Variants in TMEM178B observed in about 807,000 individuals in gnomAD.
TMEM178B encodes transmembrane protein 178B.
TMEM178B carries 5 observed loss-of-function variants against 31.0 expected under a neutral mutation model. The ratio of observed to expected loss-of-function variants is 0.16; its 90% CI spans 0.08 to 0.34. TMEM178B has a LOEUF of 0.34. Among genes scored for constraint, TMEM178B ranks in the 10% least tolerant of loss-of-function variants. The pLI, the probability that TMEM178B is intolerant of heterozygous loss-of-function variation, is 1.00. For missense variants in TMEM178B, 275 were observed against 400.3 expected (o/e 0.69, Z 2.67); for synonymous variants, 164 against 164.0 (o/e 1.00, Z 0.00).
At chr7:141,215,434 T>C (rs1053321227) in intron 2 of TMEM178B, among the ~76,000 whole-genome samples, 2 of 151,956 alleles carry the variant, frequency 1.3e-5, no homozygotes, top group African/African-American at 2.4e-5. Context: ...CATGCGATTC[T>C]CCTGCCTCAG....
chr7:141,453,088 T>A (rs1423640711), intron 3 of TMEM178B, among the ~76,000 whole-genome samples: 2 of 152,240 alleles, frequency 1.3e-5, no homozygotes, highest in African/African-American at 4.8e-5. Flanking sequence ...AGAAACCTTT[T>A]TGAATGATCT....
chr7:141,296,346 G>GT (rs1334500234), intron 2 of TMEM178B, among the ~76,000 whole-genome samples: 1 of 152,198 alleles, frequency 6.6e-6, no homozygotes, highest in African/African-American at 2.4e-5. Context: ...GGGATTACAG[G>GT]TGTGAGCCAC....
At chr7:141,095,210 A>G (rs949926185) in intron 1 of TMEM178B, among the ~76,000 whole-genome samples, 16 of 152,176 alleles carry the variant, frequency 1.1e-4, no homozygotes, top group Admixed American at 7.9e-4. Flanking sequence ...GGAGACAAGG[A>G]ATAACAGGTG....
intron 2 of TMEM178B, among the ~76,000 whole-genome samples, chr7:141,404,689 C>T (rs1198123606): frequency 6.6e-6 from 1 of 152,200 alleles, no homozygotes; most frequent in Non-Finnish European, 1.5e-5. Context: ...GACCCTAGTT[C>T]CAAATAAGGT....
intron 2 of TMEM178B, among the ~76,000 whole-genome samples, chr7:141,353,663 C>T (rs1371434907): frequency 6.6e-6 from 1 of 152,200 alleles, no homozygotes; most frequent in African/African-American, 2.4e-5. Flanking sequence ...AGCCCCATTG[C>T]TCCTTTCCTA....
At chr7:141,448,770 G>T (rs1801807612) in intron 3 of TMEM178B, among the ~76,000 whole-genome samples, 1 of 152,130 alleles carries the variant, frequency 6.6e-6, no homozygotes, top group African/African-American at 2.4e-5. Flanking sequence ...AATAAATGCA[G>T]TCCAGGCTCA....
intron 1 of TMEM178B, among the ~76,000 whole-genome samples, chr7:141,081,164 C>T (rs1794676594): frequency 6.6e-6 from 1 of 152,008 alleles, no homozygotes; most frequent in Admixed American, 6.6e-5. Flanking sequence ...CACCATTGCC[C>T]CTGAAGACTT....
At chr7:141,188,881 G>T (rs1477863170) in intron 1 of TMEM178B, among the ~76,000 whole-genome samples, 1 of 152,220 alleles carries the variant, frequency 6.6e-6, no homozygotes, top group Non-Finnish European at 1.5e-5. Context: ...ACCCTGAAAA[G>T]AGCCAGCGTT....
intron 2 of TMEM178B, among the ~76,000 whole-genome samples, chr7:141,305,325 A>G (rs1487586254): frequency 1.3e-5 from 2 of 152,222 alleles, no homozygotes; most frequent in African/African-American, 4.8e-5. Flanking sequence ...TATAAGTGCT[A>G]TGTATATATT....
chr7:141,186,148 G>T (rs1427901154), intron 1 of TMEM178B, among the ~76,000 whole-genome samples: 1 of 152,166 alleles, frequency 6.6e-6, no homozygotes, highest in Non-Finnish European at 1.5e-5. Context: ...TTATCAACTT[G>T]TAGCAGGTTC....
chr7:141,435,421 A>G (rs1291689906), intron 2 of TMEM178B, among the ~76,000 whole-genome samples: 2 of 152,106 alleles, frequency 1.3e-5, no homozygotes, highest in Non-Finnish European at 2.9e-5. Flanking sequence ...AGAGTATCCC[A>G]TTTCCAGGAG....
intron 2 of TMEM178B, among the ~76,000 whole-genome samples, chr7:141,311,437 G>T (rs890875861): frequency 2.6e-5 from 4 of 151,994 alleles, no homozygotes; most frequent in Middle Eastern, 6.8e-3. Context: ...AATATGCTTT[G>T]CTCTTTTTTC....
intron 3 of TMEM178B, among the ~76,000 whole-genome samples, chr7:141,469,445 C>G (rs187089206): frequency 3.5e-4 from 54 of 152,242 alleles, no homozygotes; most frequent in Middle Eastern, 3.4e-3. Context: ...CTTAAAGAAA[C>G]AAGTCTCAAT....
chr7:141,106,113 AG>A (rs1795142067), intron 1 of TMEM178B, among the ~76,000 whole-genome samples: 2 of 151,648 alleles, frequency 1.3e-5, no homozygotes, highest in African/African-American at 4.8e-5. Context: ...AAAAGAAAAA[AG>A]GGTCATTTTG....
At chr7:141,196,482 A>G (rs1264587606) in intron 1 of TMEM178B, among the ~76,000 whole-genome samples, 1 of 152,160 alleles carries the variant, frequency 6.6e-6, no homozygotes, top group Non-Finnish European at 1.5e-5. Context: ...CCAAGTCTTG[A>G]TATAATCTGT....
intron 1 of TMEM178B, among the ~76,000 whole-genome samples, chr7:141,145,849 C>A (rs985967062): frequency 6.6e-6 from 1 of 152,188 alleles, no homozygotes; most frequent in South Asian, 2.1e-4. Context: ...AGGGCTCCTG[C>A]CCAGTTACTA....
At chr7:141,229,100 G>GGTGTGTGTGT (rs3035765) in intron 2 of TMEM178B, among the ~76,000 whole-genome samples, 20,837 of 134,410 alleles carry the variant, frequency 0.16, 2,049 homozygotes, top group Non-Finnish European at 0.23. Flanking sequence ...GTGTGTGTGT[G>GGTGTGTGTGT]GTGTGTGTGT....
Position 141,110,331 on chromosome 7 carries a change from G to A in TMEM178B, c.382+35639G>A, listed in dbSNP as rs991320880. On this transcript the variant is annotated intron_variant, in intron 1 of 3. Coordinates refer to ENST00000565468, the MANE Select transcript of TMEM178B (RefSeq NM_001195278.2). ...ATAACTTTTTTAGTAAATAAGTAGC[G>A]GAAGTCCAATAATACAATTTGGAAC... Among the ~76,000 whole-genome samples, 27 of 152,232 alleles carry A rather than the reference G, an allele frequency of 1.8e-4. No individual in the cohort carries two copies. In the South Asian group the frequency reaches 2.5e-3, roughly 14 times the overall value.
chr7:141,079,043 T>C (rs1259190314), intron 1 of TMEM178B, among the ~76,000 whole-genome samples: 1 of 152,138 alleles, frequency 6.6e-6, no homozygotes, highest in East Asian at 1.9e-4. Flanking sequence ...TCCCAGCACT[T>C]TGGGAGGCCG....
Sources: allele counts gnomAD v4.1 joint callset (sites outside exome capture counted in the v4.1 genomes callset), GRCh38; gene constraint gnomAD v4.1.1; transcripts MANE v1.5; gene names NCBI Gene and HGNC (gene_info 2026-07-23, HGNC 2026-07-21).